Variants in GPHN observed in about 807,000 individuals in gnomAD.
The protein encoded by GPHN is gephyrin.
A neutral mutation model predicts 95.5 loss-of-function variants in GPHN; 17 were observed. The observed-to-expected ratio is 0.18, with a 90% CI of 0.12 to 0.27. The LOEUF (loss-of-function observed/expected upper bound fraction) is 0.27. Ranked by LOEUF, GPHN falls within the 10% of genes least tolerant of loss-of-function variation. The probability of loss-of-function intolerance (pLI) is 1.00; values close to 1 mark genes in which losing one functional copy is unlikely to be tolerated. For missense variants in GPHN, 660 were observed against 978.1 expected (o/e 0.67, Z 4.34); for synonymous variants, 320 against 322.5 (o/e 0.99, Z 0.08).
At chr14:67,257,701 G>A in the GPHN span, among the ~76,000 whole-genome samples, 40 of 152,014 alleles carry the variant, frequency 2.6e-4, no homozygotes, top group Non-Finnish European at 4.1e-4. Context: ...TTTTATACAT[G>A]TCACTAGAAA....
chr14:66,521,788 A>G (rs769701194), intron 1 of GPHN, among the ~76,000 whole-genome samples: 2 of 152,116 alleles, frequency 1.3e-5, no homozygotes, highest in East Asian at 1.9e-4. Context: ...TCTGGTTTCA[A>G]CATTTTGGAG....
the GPHN span, among the ~76,000 whole-genome samples, chr14:67,703,729 G>T: frequency 6.6e-6 from 1 of 152,112 alleles, no homozygotes; most frequent in East Asian, 1.9e-4. Flanking sequence ...AGGCTGGAGT[G>T]CAGTGGCATG....
the GPHN span, among the ~76,000 whole-genome samples, chr14:67,339,705 G>A: frequency 6.6e-6 from 1 of 152,082 alleles, no homozygotes; most frequent in Non-Finnish European, 1.5e-5. Flanking sequence ...ACCTTCTCCT[G>A]AACATGAAAT....
chr14:66,524,375 T>C (rs1365372720), intron 1 of GPHN, among the ~76,000 whole-genome samples: 1 of 152,082 alleles, frequency 6.6e-6, no homozygotes, highest in Non-Finnish European at 1.5e-5. Flanking sequence ...GAAATAAATA[T>C]TATGTATAAA....
intron 10 of GPHN, among the ~76,000 whole-genome samples, chr14:67,025,430 A>G: frequency 6.6e-6 from 1 of 152,152 alleles, no homozygotes; most frequent in East Asian, 1.9e-4. Context: ...TGATCAACCT[A>G]TGAGAACCTT....
rs116234529 is a variant in GPHN at position 66,872,039 on chromosome 14, T to A, written c.295-7900T>A. 5.0e-3 allele frequency among the ~76,000 whole-genome samples: 756 copies of A among 152,358 alleles called. 12 individuals carry two copies. Among genetic ancestry groups the A allele is most frequent in the African/African-American group, 0.018 (737 of 41,586 alleles). On this transcript the variant is annotated intron_variant, in intron 4 of 22. Coordinates refer to ENST00000478722, the MANE Select transcript of GPHN (RefSeq NM_020806.5). ...CTTTAAAATGTCTCCCATTGTTAAA[T>A]ATCCTGTTATGCTAGGATTCACTGT...
the GPHN span, among the ~76,000 whole-genome samples, chr14:67,681,068 G>C: frequency 6.6e-6 from 1 of 152,326 alleles, no homozygotes; most frequent in African/African-American, 2.4e-5. Context: ...ACTGTATTTA[G>C]AGAGAGGGCC....
At chr14:67,225,346 A>G in the GPHN span, 2 of 851,044 alleles carry the variant, frequency 2.4e-6, no homozygotes, top group South Asian at 4.1e-5. Context: ...AATAAGTGGG[A>G]TCTTTTAACA....
At chr14:67,138,667 T>C (rs2080250454) in intron 17 of GPHN, among the ~76,000 whole-genome samples, 1 of 152,108 alleles carries the variant, frequency 6.6e-6, no homozygotes, top group African/African-American at 2.4e-5. Flanking sequence ...TTGGAAATGT[T>C]TTATAATTTA....
chr14:66,996,622 T>C (rs2071816323), intron 9 of GPHN, among the ~76,000 whole-genome samples: 1 of 152,158 alleles, frequency 6.6e-6, no homozygotes, highest in Admixed American at 6.5e-5. Flanking sequence ...TGTATTCAAT[T>C]AGTGATTGTT....
At chr14:66,713,284 C>A (rs1417852720) in intron 2 of GPHN, among the ~76,000 whole-genome samples, 1 of 152,154 alleles carries the variant, frequency 6.6e-6, no homozygotes, top group Non-Finnish European at 1.5e-5. Flanking sequence ...GATTTAAGTC[C>A]ATAATCCATG....
At chr14:67,198,041 T>C in the GPHN span, 3 of 1,185,474 alleles carry the variant, frequency 2.5e-6, no homozygotes, top group Non-Finnish European at 3.5e-6. Context: ...ATCACAGATA[T>C]TGATAAAATT....
chr14:67,731,207 CTTTTTTT>C, the GPHN span, among the ~76,000 whole-genome samples: 110 of 90,610 alleles, frequency 1.2e-3, no homozygotes, highest in African/African-American at 5.1e-3. Flanking sequence ...TTCTTTCTTT[CTTTTTTT>C]TTTTTTTTTT....
intron 2 of GPHN, among the ~76,000 whole-genome samples, chr14:66,700,578 C>A (rs1393007922): frequency 6.6e-6 from 1 of 152,142 alleles, no homozygotes; most frequent in African/African-American, 2.4e-5. Flanking sequence ...AGCACTTCTG[C>A]TATTGTCTTT....
At chr14:67,592,459 T>A in the GPHN span, 1 of 563,904 alleles carries the variant, frequency 1.8e-6, no homozygotes, top group Non-Finnish European at 3.2e-6. Flanking sequence ...AAAATGTGCA[T>A]GAATATTTTT....
At chr14:66,760,465 A>C (rs1028087218) in intron 2 of GPHN, 6 of 179,216 alleles carry the variant, frequency 3.3e-5, no homozygotes, top group African/African-American at 1.4e-4. Context: ...TTTTTAATGA[A>C]TGTTTATTGT....
the GPHN span, among the ~76,000 whole-genome samples, chr14:67,313,553 G>C: frequency 0.15 from 23,453 of 151,998 alleles, 3,391 homozygotes; most frequent in East Asian, 0.42. Flanking sequence ...GTAGAATAAA[G>C]AAAGGAGAGC....
At chr14:67,386,038 C>G in the GPHN span, 1 of 152,340 alleles carries the variant, frequency 6.6e-6, no homozygotes, top group African/African-American at 2.4e-5. Context: ...ATCTACTTTG[C>G]AACCTATGGA....
the GPHN span, chr14:67,561,877 A>T: frequency 8.5e-7 from 1 of 1,174,064 alleles, no homozygotes; most frequent in Non-Finnish European, 1.2e-6. Context: ...CTCAAAAAAA[A>T]AAAAAAAAAG....
Sources: allele counts gnomAD v4.1 joint callset (sites outside exome capture counted in the v4.1 genomes callset), GRCh38; gene constraint gnomAD v4.1.1; transcripts MANE v1.5; gene names NCBI Gene and HGNC (gene_info 2026-07-23, HGNC 2026-07-21).